RELN: variants seen among roughly 807,000 people sequenced by gnomAD.
RELN encodes reelin.
Under a neutral mutation model 427.6 loss-of-function variants are expected in RELN, and 108 were observed. That is an observed-to-expected ratio of 0.25 (90% confidence interval 0.22 to 0.30). RELN has a LOEUF of 0.30. Among genes scored for constraint, RELN ranks in the 10% least tolerant of loss-of-function variants. RELN has a pLI of 1.00. For synonymous variants in RELN, 1,524 were observed against 1,513.4 expected (o/e 1.01, Z -0.16); for missense variants, 3,715 against 4,302.8 (o/e 0.86, Z 3.82).
chr7:103,490,604 C>T (rs114492390), intron 59 of RELN, 64 bp downstream of exon 59: 4 of 1,540,592 alleles, frequency 2.6e-6, no homozygotes, highest in East Asian at 2.2e-5. Context: ...GTTTTCAGCT[C>T]ACTGCATGAA....
chr7:103,489,167 CAAG>C (rs1828556124), intron 60 of RELN, among the ~76,000 whole-genome samples: 1 of 150,778 alleles, frequency 6.6e-6, no homozygotes, highest in Admixed American at 6.6e-5. Context: ...TCTAGAAACT[CAAG>C]GAGTGAAAAT....
At chr7:103,651,863 CT>C (rs1245710723) in intron 14 of RELN, 74 bp from the exon 15 acceptor site, 2 of 1,480,176 alleles carry the variant, frequency 1.4e-6, no homozygotes, top group Non-Finnish European at 1.9e-6. Flanking sequence ...ATTTTCAACT[CT>C]GGTTAAGTAC....
chr7:103,922,776 T>C (rs1341863472), intron 1 of RELN, among the ~76,000 whole-genome samples: 1 of 152,202 alleles, frequency 6.6e-6, no homozygotes, highest in Non-Finnish European at 1.5e-5. Context: ...CATTTAATGA[T>C]GTTTGCATTT....
chr7:103,944,607 C>A (rs147590379), intron 1 of RELN, among the ~76,000 whole-genome samples: 2 of 152,234 alleles, frequency 1.3e-5, no homozygotes, highest in East Asian at 3.9e-4. Flanking sequence ...ACTTAGGAAG[C>A]CAGCTGTACT....
intron 2 of RELN, among the ~76,000 whole-genome samples, chr7:103,835,084 C>T (rs1793366587): frequency 6.6e-6 from 1 of 152,064 alleles, no homozygotes; most frequent in Non-Finnish European, 1.5e-5. Flanking sequence ...TAATGTGGTA[C>T]ATCTAGACAA....
intron 22 of RELN, among the ~76,000 whole-genome samples, chr7:103,607,476 T>G (rs1402091729): frequency 1.3e-5 from 2 of 152,206 alleles, no homozygotes; most frequent in Non-Finnish European, 2.9e-5. Flanking sequence ...CAAGTTTTTC[T>G]TTCTCTACCT....
intron 1 of RELN, among the ~76,000 whole-genome samples, chr7:103,938,364 T>A (rs868197534): frequency 2.6e-5 from 4 of 152,324 alleles, no homozygotes; most frequent in Admixed American, 6.5e-5. Context: ...CTCCCAGACA[T>A]GTTTTTAGAA....
intron 2 of RELN, among the ~76,000 whole-genome samples, chr7:103,842,270 A>C (rs993678562): frequency 1.3e-5 from 2 of 151,640 alleles, no homozygotes; most frequent in African/African-American, 2.4e-5. Context: ...AAAAAAAAAA[A>C]ACACAGACTG....
At chr7:103,776,917 G>A (rs1252929138) in intron 3 of RELN, among the ~76,000 whole-genome samples, 1 of 152,084 alleles carries the variant, frequency 6.6e-6, no homozygotes. Flanking sequence ...GTATGGAGAG[G>A]AGGCTTATTA....
intron 20 of RELN, among the ~76,000 whole-genome samples, chr7:103,622,889 G>C (rs140676240): frequency 9.2e-5 from 14 of 152,224 alleles, no homozygotes; most frequent in Non-Finnish European, 1.8e-4. Flanking sequence ...TTCTATCTTC[G>C]TCTCCAACAC....
intron 2 of RELN, among the ~76,000 whole-genome samples, chr7:103,869,747 C>G (rs1794284132): frequency 6.6e-6 from 1 of 152,130 alleles, no homozygotes; most frequent in South Asian, 2.1e-4. Context: ...CAAAACACTG[C>G]ATAACATTTG....
intron 10 of RELN, among the ~76,000 whole-genome samples, chr7:103,684,019 G>A (rs1254013869): frequency 6.6e-6 from 1 of 152,146 alleles, no homozygotes; most frequent in Non-Finnish European, 1.5e-5. Flanking sequence ...GTTTGCAGTG[G>A]TAAAATGCTC....
chr7:103,755,762 C>G (rs1273669310), intron 4 of RELN, among the ~76,000 whole-genome samples: 1 of 143,754 alleles, frequency 7.0e-6, no homozygotes, highest in East Asian at 2.0e-4. Context: ...TTGCAGTGAG[C>G]TGATCGCACA....
intron 24 of RELN, among the ~76,000 whole-genome samples, chr7:103,597,932 C>T: frequency 6.6e-6 from 1 of 152,162 alleles, no homozygotes; most frequent in East Asian, 1.9e-4. Flanking sequence ...ACAGATTCTT[C>T]CAAAGCTCAT....
rs1830731546 is a variant in RELN at position 103,565,529 on chromosome 7, G to A, written c.4959C>T (p.Thr1653=). 2.5e-6 allele frequency: 4 copies of A among 1,612,464 alleles called. No homozygotes were observed. The highest frequency in any genetic ancestry group is 3.4e-6 in the Non-Finnish European group (4 of 1,179,690). The part of the protein sequence containing the change: ...ENIGKPRYAE[T]WDFHVSASTF... The stretch of plus-strand genomic sequence containing the variant: ...TAGATGCTGACACATGAAAATCCCA[G>A]GTCTCAGCATAACGAGGTTTTCCTG... The change falls in exon 34 of 65, where the codon ACC becomes ACT. Residue 1653 remains threonine, a synonymous_variant. Transcript: ENST00000428762.
chr7:103,601,256 G>A (rs1350676213), intron 24 of RELN, among the ~76,000 whole-genome samples: 7 of 152,116 alleles, frequency 4.6e-5, no homozygotes, highest in Non-Finnish European at 1.5e-5. Context: ...ATCCAGATAT[G>A]TGCAATGCAT....
chr7:103,521,964 A>G (rs1829717800), intron 48 of RELN, 58 bp downstream of exon 48: 2 of 1,556,954 alleles, frequency 1.3e-6, no homozygotes, highest in East Asian at 2.2e-5. Flanking sequence ...AAGAGAGTCA[A>G]CTATTTGGAA....
chr7:103,951,580 T>C (rs191194597), intron 1 of RELN, among the ~76,000 whole-genome samples: 7 of 152,324 alleles, frequency 4.6e-5, no homozygotes, highest in Admixed American at 4.6e-4. Context: ...TGAGTTAGCC[T>C]GAACTTTTTA....
intron 2 of RELN, among the ~76,000 whole-genome samples, chr7:103,869,940 A>G (rs1794289921): frequency 6.6e-6 from 1 of 152,106 alleles, no homozygotes; most frequent in African/African-American, 2.4e-5. Context: ...ACTCTGTCGC[A>G]TTTGATCTGT....
Sources: allele counts gnomAD v4.1 joint callset (sites outside exome capture counted in the v4.1 genomes callset), GRCh38; gene constraint gnomAD v4.1.1; transcripts MANE v1.5; gene names NCBI Gene and HGNC (gene_info 2026-07-23, HGNC 2026-07-21).